The following CTDSPL variants were observed in gnomAD, a reference collection of about 807,000 sequenced individuals.
The protein encoded by CTDSPL is CTD small phosphatase like.
A neutral mutation model predicts 30.5 loss-of-function variants in CTDSPL; 8 were observed. That is an observed-to-expected ratio of 0.26 (90% CI 0.15 to 0.47). The LOEUF is 0.47. Among genes scored for constraint, CTDSPL ranks in the 20% least tolerant of loss-of-function variants. The probability of loss-of-function intolerance (pLI) is 0.99; values close to 1 mark genes in which losing one functional copy is unlikely to be tolerated. For synonymous variants in CTDSPL, 110 were observed against 137.9 expected (o/e 0.80, Z 1.42); for missense variants, 248 against 366.1 (o/e 0.68, Z 2.63).
Position 37,879,521 on chromosome 3 carries a change from C to T in CTDSPL, c.79+17243C>T, listed in dbSNP as rs78732049. Among the ~76,000 whole-genome samples the T allele has an allele frequency of 4.3e-3, 657 of 152,342 alleles. 5 individuals carry two copies. The highest frequency in any genetic ancestry group is 0.015 in the African/African-American group (627 of 41,576). ...TTTTGAGCCTCCTATGCGGGATTCT[C>T]CTTCTGTGCCACTTGTTGAGCCTAA... On this transcript the variant is annotated intron_variant, in intron 1 of 7. Coordinates refer to ENST00000273179, the MANE Select transcript of CTDSPL (RefSeq NM_001008392.2).
rs1245001247 is a variant in CTDSPL at position 37,971,506 on chromosome 3, C to T, written c.519+7C>T. On this transcript the variant is annotated splice_region_variant and intron_variant, in intron 6 of 7. Transcript: ENST00000273179. ...TACTGCCAGCTTGGCCAAGGTGAGTCCTGCTTCCCAGCCCCACACTCCCAG... is the reference window on the plus strand; with the variant it reads ...TACTGCCAGCTTGGCCAAGGTGAGTTCTGCTTCCCAGCCCCACACTCCCAG... The T allele has an allele frequency of 2.5e-6, 4 of 1,613,268 alleles. No homozygotes were observed. Among genetic ancestry groups the T allele is most frequent in the East Asian group, 2.2e-5 (1 of 44,874 alleles).
chr3:37,974,688 T>C (rs1397814237), intron 6 of CTDSPL, among the ~76,000 whole-genome samples: 2 of 152,184 alleles, frequency 1.3e-5, no homozygotes. Flanking sequence ...GGCAGGATGA[T>C]CCGCAACTGT....
intron 1 of CTDSPL, among the ~76,000 whole-genome samples, chr3:37,882,025 A>T (rs1229551431): frequency 6.6e-6 from 1 of 152,220 alleles, no homozygotes; most frequent in Non-Finnish European, 1.5e-5. Flanking sequence ...GAAAAATATT[A>T]GGCCGGGCGT....
Position 37,981,692 on chromosome 3 carries a change from T to C in CTDSPL, c.*825T>C. The C allele has an allele frequency of 2.8e-6, 1 of 362,796 alleles. No homozygotes were observed. Among genetic ancestry groups the C allele is most frequent in the South Asian group, 2.0e-5 (1 of 48,876 alleles). 22.5% of individuals were successfully genotyped at this position (362,796 alleles called of 1,614,324 possible). On this transcript the variant is annotated 3_prime_UTR_variant, in exon 8 of 8. Transcript: ENST00000273179. ...TTGAAAAGTGACATCCTGTCACTTC[T>C]GCTCTCACACTACTGCCATACATTT... is the stretch of plus-strand genomic sequence containing the variant.
At chr3:37,890,459 A>C (rs149298447) in intron 1 of CTDSPL, among the ~76,000 whole-genome samples, 1 of 152,318 alleles carries the variant, frequency 6.6e-6, no homozygotes, top group Non-Finnish European at 1.5e-5. Flanking sequence ...AGAAATGACA[A>C]TATTAGTATA....
rs527688530 is a variant in CTDSPL, at chr3:37,896,247, G to A, written c.79+33969G>A. On this transcript the variant is annotated intron_variant, in intron 1 of 7. Transcript: ENST00000273179. Reference sequence around the variant, plus strand: ...TACATCCTCTAAGAGAGGTACAGACGTGCTGGGGTGTTGTTCAGTAGAATA... The same window carrying A: ...TACATCCTCTAAGAGAGGTACAGACATGCTGGGGTGTTGTTCAGTAGAATA... Among the ~76,000 whole-genome samples, 8 of 152,292 alleles carry A rather than the reference G, an allele frequency of 5.3e-5. No individual in the cohort carries two copies. The South Asian group carries it at 1.7e-3, about 32-fold the overall frequency.
chr3:37,953,535 G>C (rs891992046), intron 2 of CTDSPL, among the ~76,000 whole-genome samples: 2 of 152,150 alleles, frequency 1.3e-5, no homozygotes, highest in Admixed American at 1.3e-4. Flanking sequence ...GACAGTTTCT[G>C]ACATAACATA....
intron 2 of CTDSPL, among the ~76,000 whole-genome samples, chr3:37,955,431 GTAAAA>G (rs1699159979): frequency 6.6e-6 from 1 of 152,100 alleles, no homozygotes; most frequent in African/African-American, 2.4e-5. Flanking sequence ...CATCTGTAAA[GTAAAA>G]TAAAATAAAA....
chr3:37,936,814 G>T (rs927270873), intron 1 of CTDSPL, among the ~76,000 whole-genome samples: 1 of 152,130 alleles, frequency 6.6e-6, no homozygotes, highest in East Asian at 1.9e-4. Flanking sequence ...CAGTTTTGTA[G>T]CATTAACAGC....
At chr3:37,879,349 C>T (rs554523338) in intron 1 of CTDSPL, among the ~76,000 whole-genome samples, 1 of 152,322 alleles carries the variant, frequency 6.6e-6, no homozygotes, top group Non-Finnish European at 1.5e-5. Flanking sequence ...CTCATCAGGG[C>T]TCTCATTCCA....
chr3:37,916,515 T>C (rs1165469194), intron 1 of CTDSPL, among the ~76,000 whole-genome samples: 1 of 151,988 alleles, frequency 6.6e-6, no homozygotes, highest in Non-Finnish European at 1.5e-5. Context: ...GCTGCCCTTA[T>C]AAGAAGAGAA....
intron 1 of CTDSPL, among the ~76,000 whole-genome samples, chr3:37,915,504 C>G (rs1698635806): frequency 1.3e-5 from 2 of 152,090 alleles, no homozygotes; most frequent in Non-Finnish European, 2.9e-5. Flanking sequence ...GAGTTTCAAA[C>G]TAGATATTTG....
Position 37,947,146 on chromosome 3 carries a change from G to A in CTDSPL, c.169G>A (p.Ala57Thr), listed in dbSNP as rs1489582931. 2 of 1,613,226 alleles carry A rather than the reference G, an allele frequency of 1.2e-6. No individual in the cohort carries two copies. The highest frequency in any genetic ancestry group is 1.7e-5 in the Admixed American group (1 of 60,002). ...FCCFRDYNVE[A>T]PPPSSPSVLP... is the part of the protein sequence containing the mutation. Reference sequence around the variant, plus strand: ...CTGCTTCCGTGATTACAATGTGGAGGCCCCTCCACCCAGCAGCCCCAGTGT... The same window carrying A: ...CTGCTTCCGTGATTACAATGTGGAGACCCCTCCACCCAGCAGCCCCAGTGT... Residue 57 changes from alanine (A) to threonine (T), a missense_variant, in exon 2 of 8, where the codon GCC (alanine) becomes ACC (threonine). Around this residue, in one of 4 missense-constraint regions of CTDSPL, gnomAD observed 118 missense variants for 124.7 expected, o/e 0.95. Coordinates refer to ENST00000273179, the MANE Select transcript of CTDSPL (RefSeq NM_001008392.2).
intron 1 of CTDSPL, among the ~76,000 whole-genome samples, chr3:37,890,022 A>G (rs1362164190): frequency 6.6e-6 from 1 of 152,256 alleles, no homozygotes; most frequent in Non-Finnish European, 1.5e-5. Context: ...AAATGAGGAA[A>G]TAAATAAAAA....
chr3:37,947,837 T>C (rs903070228), intron 2 of CTDSPL, among the ~76,000 whole-genome samples: 2 of 152,216 alleles, frequency 1.3e-5, no homozygotes, highest in Non-Finnish European at 2.9e-5. Flanking sequence ...AATAAAATAA[T>C]TGAGTGTAAC....
intron 1 of CTDSPL, among the ~76,000 whole-genome samples, chr3:37,909,446 C>T (rs943591444): frequency 1.3e-5 from 2 of 152,250 alleles, no homozygotes; most frequent in Non-Finnish European, 2.9e-5. Context: ...CTTCAGGGCT[C>T]ACCCCAGACT....
rs187477527 is a variant in CTDSPL, at chr3:37,951,162, T to C, written c.234+3951T>C. Reference sequence around the variant, plus strand: ...GTGGGCAGATCACGAGGTCAGGAGATCGAGACCATCCTGGCTAACACAGTG... The same window carrying C: ...GTGGGCAGATCACGAGGTCAGGAGACCGAGACCATCCTGGCTAACACAGTG... On this transcript the variant is annotated intron_variant, in intron 2 of 7. Transcript: ENST00000273179. 4.6e-3 allele frequency among the ~76,000 whole-genome samples: 683 copies of C among 148,426 alleles called. 22 individuals carry two copies. The South Asian group carries it at 0.08, about 17-fold the overall frequency.
chr3:37,967,095 T>C (rs981458972), intron 4 of CTDSPL, among the ~76,000 whole-genome samples: 1 of 152,252 alleles, frequency 6.6e-6, no homozygotes, highest in Non-Finnish European at 1.5e-5. Flanking sequence ...CTGGATGTTG[T>C]GTTCCTTGGA....
At position 37,925,226 on chromosome 3, in the gene CTDSPL, TCCATCACTGTCTCTTTC is replaced by T. The variant is rs762520849; in HGVS notation, c.80-21828_80-21812del. ...CCCCTCTGAATATTTGCCTGCACCA[TCCATCACTGTCTCTTTC>T]CCTCAATGTCTAGTGCAAAGGAGGT... On this transcript the variant is annotated intron_variant, in intron 1 of 7. Coordinates refer to ENST00000273179, the MANE Select transcript of CTDSPL (RefSeq NM_001008392.2). 2.3e-4 allele frequency among the ~76,000 whole-genome samples: 35 copies of T among 152,162 alleles called. 1 individual carries two copies. Among genetic ancestry groups the T allele is most frequent in the Admixed American group, 5.9e-4 (9 of 15,278 alleles).
Sources: allele counts gnomAD v4.1 joint callset (sites outside exome capture counted in the v4.1 genomes callset), GRCh38; gene constraint gnomAD v4.1.1; regional missense constraint gnomAD v4.1.1; transcripts MANE v1.5; gene names NCBI Gene and HGNC (gene_info 2026-07-23, HGNC 2026-07-21).